The following SGCZ variants were observed in gnomAD, a reference collection of about 807,000 sequenced individuals.
SGCZ encodes the protein sarcoglycan zeta, also known as zeta-sarcoglycan.
A neutral mutation model predicts 41.3 loss-of-function variants in SGCZ; 40 were observed. The ratio of observed to expected loss-of-function variants is 0.97; its 90% confidence interval spans 0.75 to 1.26. SGCZ has a LOEUF of 1.26. Ranked by LOEUF, SGCZ falls within the 50% of genes most tolerant of loss-of-function variation. The pLI is 0.00. For synonymous variants in SGCZ, 206 were observed against 137.5 expected (o/e 1.50, Z -3.49); for missense variants, 552 against 369.8 (o/e 1.49, Z -4.04).
At chr8:14,121,221 A>G (rs1802687058) in intron 5 of SGCZ, among the ~76,000 whole-genome samples, 1 of 151,908 alleles carries the variant, frequency 6.6e-6, no homozygotes, top group Admixed American at 6.6e-5. Flanking sequence ...ATTAAATTAC[A>G]TTAAATATAT....
At chr8:14,519,639 C>G (rs1802730277) in intron 2 of SGCZ, among the ~76,000 whole-genome samples, 1 of 152,062 alleles carries the variant, frequency 6.6e-6, no homozygotes, top group Non-Finnish European at 1.5e-5. Context: ...TTCCTGGCCT[C>G]TCTACCTTTC....
At chr8:14,914,767 T>C (rs1361977069) in intron 1 of SGCZ, among the ~76,000 whole-genome samples, 3 of 152,202 alleles carry the variant, frequency 2.0e-5, no homozygotes, top group African/African-American at 4.8e-5. Context: ...TTCATTTCTT[T>C]GTATACTTCT....
At chr8:14,505,204 G>T (rs1211860350) in intron 2 of SGCZ, among the ~76,000 whole-genome samples, 1 of 151,976 alleles carries the variant, frequency 6.6e-6, no homozygotes, top group Non-Finnish European at 1.5e-5. Flanking sequence ...GTTATTAAAG[G>T]TTCTTAAGTA....
intron 2 of SGCZ, among the ~76,000 whole-genome samples, chr8:14,481,904 G>T (rs3848990): frequency 6.6e-6 from 1 of 151,902 alleles, no homozygotes; most frequent in African/African-American, 2.4e-5. Flanking sequence ...CTGGTTTTCC[G>T]CAGTTGAGAA....
chr8:14,907,568 T>A (rs2130770837), intron 1 of SGCZ, among the ~76,000 whole-genome samples: 1 of 152,182 alleles, frequency 6.6e-6, no homozygotes, highest in Non-Finnish European at 1.5e-5. Flanking sequence ...TAATAAAGAA[T>A]AAAGGCTGGA....
chr8:14,249,125 T>C (rs1799201516), intron 3 of SGCZ, among the ~76,000 whole-genome samples: 1 of 152,102 alleles, frequency 6.6e-6, no homozygotes, highest in Non-Finnish European at 1.5e-5. Flanking sequence ...AGTAGTCCCA[T>C]TCAGGAAGAT....
At chr8:14,446,299 C>G (rs907663049) in intron 2 of SGCZ, among the ~76,000 whole-genome samples, 1 of 152,178 alleles carries the variant, frequency 6.6e-6, no homozygotes, top group Non-Finnish European at 1.5e-5. Context: ...CTCACCAAAG[C>G]TTACCAGCTC....
rs146929121 is a variant in SGCZ, at chr8:14,211,991, C to A, written c.424+25601G>T. On this transcript the variant is annotated intron_variant, in intron 4 of 7. Coordinates refer to ENST00000382080, the MANE Select transcript of SGCZ (RefSeq NM_139167.4). ...TGAGGTGGAAGAATGGGAACCCCTT[C>A]TTTGAATGATCTGTCCCATCCCTAA... is the stretch of plus-strand genomic sequence containing the variant. 3.6e-3 allele frequency among the ~76,000 whole-genome samples: 552 copies of A among 152,278 alleles called. 4 individuals are homozygous for A. The highest frequency in any genetic ancestry group is 6.3e-3 in the Non-Finnish European group (426 of 68,016).
chr8:14,442,144 G>A (rs1051592689), intron 2 of SGCZ, among the ~76,000 whole-genome samples: 1 of 152,164 alleles, frequency 6.6e-6, no homozygotes, highest in Non-Finnish European at 1.5e-5. Context: ...CTTCCCCCTT[G>A]ATATGGTTTG....
At chr8:14,138,341 A>G (rs1486262644) in intron 5 of SGCZ, among the ~76,000 whole-genome samples, 3 of 152,184 alleles carry the variant, frequency 2.0e-5, no homozygotes, top group Non-Finnish European at 4.4e-5. Context: ...AACAATATTA[A>G]CCTTAAATGT....
intron 1 of SGCZ, among the ~76,000 whole-genome samples, chr8:14,624,223 A>G (rs1262606038): frequency 1.3e-5 from 2 of 152,136 alleles, no homozygotes; most frequent in Non-Finnish European, 2.9e-5. Context: ...AAGATTTAAC[A>G]AAGCCAAAAT....
At chr8:15,115,357 G>A (rs1807228527) in intron 1 of SGCZ, among the ~76,000 whole-genome samples, 1 of 152,164 alleles carries the variant, frequency 6.6e-6, no homozygotes, top group African/African-American at 2.4e-5. Context: ...TAACTACAAA[G>A]GAAGTGGAAT....
chr8:14,627,333 T>C (rs888970269), intron 1 of SGCZ, among the ~76,000 whole-genome samples: 11 of 152,140 alleles, frequency 7.2e-5, no homozygotes, highest in African/African-American at 2.7e-4. Flanking sequence ...GCCTTCAATT[T>C]GGAGGGACGG....
chr8:15,127,977 A>G (rs1359696535), intron 1 of SGCZ, among the ~76,000 whole-genome samples: 2 of 152,228 alleles, frequency 1.3e-5, no homozygotes, highest in Non-Finnish European at 2.9e-5. Flanking sequence ...TATAAAACAA[A>G]AAGAAATTCC....
At chr8:14,339,934 AAAATG>A (rs1412391576) in intron 2 of SGCZ, among the ~76,000 whole-genome samples, 27 of 152,304 alleles carry the variant, frequency 1.8e-4, no homozygotes, top group South Asian at 2.1e-4. Flanking sequence ...GAAAATATAA[AAAATG>A]AAATGAAAGA....
intron 2 of SGCZ, among the ~76,000 whole-genome samples, chr8:14,549,879 A>C (rs1803746984): frequency 6.6e-6 from 1 of 152,048 alleles, no homozygotes. Context: ...AGGAGGTAAC[A>C]AGTTAGTTTA....
At chr8:15,169,918 C>G (rs935610870) in intron 1 of SGCZ, among the ~76,000 whole-genome samples, 1 of 152,076 alleles carries the variant, frequency 6.6e-6, no homozygotes, top group African/African-American at 2.4e-5. Context: ...TTGGCATTAA[C>G]CTAGAAAAGA....
intron 1 of SGCZ, among the ~76,000 whole-genome samples, chr8:14,624,879 C>T (rs912336289): frequency 1.3e-5 from 2 of 151,916 alleles, no homozygotes; most frequent in African/African-American, 4.8e-5. Context: ...CTATCACTCC[C>T]CAAATTTCTG....
chr8:15,129,888 C>A (rs17609395), intron 1 of SGCZ, among the ~76,000 whole-genome samples: 18,778 of 151,886 alleles, frequency 0.12, 1,215 homozygotes, highest in South Asian at 0.21. Flanking sequence ...CCACCACCGA[C>A]AGCCTTGTTT....
Sources: allele counts gnomAD v4.1 joint callset (sites outside exome capture counted in the v4.1 genomes callset), GRCh38; gene constraint gnomAD v4.1.1; transcripts MANE v1.5; gene names NCBI Gene and HGNC (gene_info 2026-07-23, HGNC 2026-07-21).